The following DECR2 variants were observed in gnomAD, a reference collection of about 807,000 sequenced individuals.
The protein encoded by DECR2 is 2,4-dienoyl-CoA reductase 2.
DECR2 carries 34 observed loss-of-function variants against 29.2 expected under a neutral mutation model. That is an observed-to-expected ratio of 1.16 (90% CI 0.89 to 1.55). DECR2 has a LOEUF of 1.55. Among genes scored for constraint, DECR2 ranks in the 40% most tolerant of loss-of-function variants. DECR2 has a pLI of 0.00. For missense variants in DECR2, 485 were observed against 425.3 expected (o/e 1.14, Z -1.23); for synonymous variants, 224 against 182.7 (o/e 1.23, Z -1.82).
intron 8 of DECR2, 148 bp downstream of exon 8, chr16:411,726 TGCC>T: frequency 1.2e-6 from 1 of 866,876 alleles, no homozygotes; most frequent in Non-Finnish European, 1.7e-6. Flanking sequence ...ACATGGGTGC[TGCC>T]CAGTGGGGCT....
At chr16:409,257 C>T (rs748391469) in intron 4 of DECR2, among the ~76,000 whole-genome samples, 17 of 152,010 alleles carry the variant, frequency 1.1e-4, no homozygotes, top group African/African-American at 3.9e-4. Context: ...CTGCAAGCTC[C>T]GCCTCCCGGG....
At chr16:408,241 C>CT (rs2054765289) in intron 4 of DECR2, among the ~76,000 whole-genome samples, 1 of 149,874 alleles carries the variant, frequency 6.7e-6, no homozygotes, top group Admixed American at 6.6e-5. Flanking sequence ...CTCCGGGCCT[C>CT]TGTCTCCGGC....
At chr16:405,549 T>G in intron 2 of DECR2, 1 of 1,304,714 alleles carries the variant, frequency 7.7e-7, no homozygotes, top group Non-Finnish European at 1.0e-6. Context: ...GCAGCTCCAG[T>G]GGGACCTGCC....
In DECR2 at chr16:406,311, C is replaced by T. The variant is rs763521931; in HGVS notation, c.150-35C>T. 16 of 1,601,126 alleles carry T rather than the reference C, an allele frequency of 1.0e-5. 1 individual carries two copies. The South Asian group carries it at 1.8e-4, about 18-fold the overall frequency. On this transcript the variant is annotated intron_variant, in intron 2 of 8. Coordinates refer to ENST00000219481, the MANE Select transcript of DECR2 (RefSeq NM_020664.4). ...CAGATGCCCCGGGAGTGCCCCTCGC[C>T]CACACTGCCCTCACACCTGCTTCTG...
Position 410,831 on chromosome 16 carries a change from T to C in DECR2, c.556+47T>C. The C allele has an allele frequency of 6.7e-7, 1 of 1,482,178 alleles. No individual in the cohort carries two copies. Among genetic ancestry groups the C allele is most frequent in the South Asian group, 1.2e-5 (1 of 82,832 alleles). 91.8% of individuals were successfully genotyped at this position (1,482,178 alleles called of 1,614,324 possible). On this transcript the variant is annotated intron_variant, in intron 6 of 8. Transcript: ENST00000219481. This position sits in a 1 kb window ranked among gnomAD's most constrained non-coding sequence, Gnocchi z 4.1. Reference sequence around the variant, plus strand: ...CAGGTTTGCCCACGTGGGTCCCCAATGGGCCGTCTGCTTCCATCCCAGGAG... The same window carrying C: ...CAGGTTTGCCCACGTGGGTCCCCAACGGGCCGTCTGCTTCCATCCCAGGAG...
chr16:404,065 C>T (rs959438021), intron 1 of DECR2, among the ~76,000 whole-genome samples: 3 of 151,690 alleles, frequency 2.0e-5, no homozygotes, highest in Admixed American at 2.0e-4. Context: ...CCCAGCTACT[C>T]TGGAGGCTGA....
Position 410,921 on chromosome 16 carries a change from C to T in DECR2, c.557-51C>T. 1 of 1,549,310 alleles carries T rather than the reference C, an allele frequency of 6.5e-7. No individual in the cohort carries two copies. Among genetic ancestry groups the T allele is most frequent in the Non-Finnish European group, 8.7e-7 (1 of 1,145,442 alleles). ...AGCGAGACCTGGCCTTGGCCCTGCG[C>T]CCTCGCAGAGGGCAGAGCGGCCCTT... On this transcript the variant is annotated intron_variant, in intron 6 of 8. Transcript: ENST00000219481. This position sits in a 1 kb window ranked among gnomAD's most constrained non-coding sequence, Gnocchi z 4.1.
At chr16:402,736 C>G (rs532905264) in intron 1 of DECR2, among the ~76,000 whole-genome samples, 1 of 151,932 alleles carries the variant, frequency 6.6e-6, no homozygotes, top group African/African-American at 2.4e-5. Flanking sequence ...GTAATCCCAG[C>G]TCTTTGGGAG....
chr16:411,672 C>T, intron 8 of DECR2, 94 bp downstream of exon 8: 1 of 1,370,092 alleles, frequency 7.3e-7, no homozygotes, highest in African/African-American at 1.4e-5. Flanking sequence ...GGGCTGGCGT[C>T]TCCTTTGTCC....
At position 401,948 on chromosome 16, in the gene DECR2, C is replaced by T. The variant is rs749666907; in HGVS notation, c.-16C>T. Reference sequence around the variant, plus strand: ...CGCTCCCGCCCGTTGTCCCCGCAGTCCCCGACGGGAGCGCCATGGCCCAGC... The same window carrying T: ...CGCTCCCGCCCGTTGTCCCCGCAGTTCCCGACGGGAGCGCCATGGCCCAGC... On this transcript the variant is annotated 5_prime_UTR_variant, in exon 1 of 9. Coordinates refer to ENST00000219481, the MANE Select transcript of DECR2 (RefSeq NM_020664.4). 6.7e-7 allele frequency: 1 copy of T among 1,481,544 alleles called. No homozygotes were observed. Among genetic ancestry groups the T allele is most frequent in the Non-Finnish European group, 8.9e-7 (1 of 1,123,212 alleles). 91.8% of individuals were successfully genotyped at this position (1,481,544 alleles called of 1,614,324 possible).
At position 411,090 on chromosome 16, in the gene DECR2, G is replaced by T. The variant is rs1177217176; in HGVS notation, c.661+14G>T. 1 of 1,498,552 alleles carries T rather than the reference G, an allele frequency of 6.7e-7. No individual in the cohort carries two copies. Among genetic ancestry groups the T allele is most frequent in the Non-Finnish European group, 8.9e-7 (1 of 1,126,908 alleles). 92.8% of individuals were successfully genotyped at this position (1,498,552 alleles called of 1,614,324 possible). On this transcript the variant is annotated intron_variant, in intron 7 of 8. Transcript: ENST00000219481. The stretch of plus-strand genomic sequence containing the variant: ...TCCGGCGACTGGGTAAGGCTCTCAG[G>T]GAGCCCAGGCCTCCCACAGATCCTC...
At chr16:402,561 C>G (rs1024924175) in intron 1 of DECR2, among the ~76,000 whole-genome samples, 1 of 152,154 alleles carries the variant, frequency 6.6e-6, no homozygotes, top group African/African-American at 2.4e-5. Context: ...TTGGTGTTCA[C>G]AAGAGAAGGC....
chr16:405,653 TTGTC>T, intron 2 of DECR2: 1 of 1,261,670 alleles, frequency 7.9e-7, no homozygotes, highest in Non-Finnish European at 1.1e-6. Context: ...CAGATCCCGT[TTGTC>T]TGTGTCAGGT....
chr16:409,529 C>G (rs2054784850), intron 4 of DECR2: 1 of 152,124 alleles, frequency 6.6e-6, no homozygotes, highest in African/African-American at 2.4e-5. Flanking sequence ...ATATGGAATT[C>G]CATACTCCCA....
At position 410,184 on chromosome 16, in the gene DECR2, A is replaced by C; in HGVS notation, c.338-59A>C. On this transcript the variant is annotated intron_variant, in intron 4 of 8. Coordinates refer to ENST00000219481, the MANE Select transcript of DECR2 (RefSeq NM_020664.4). This position sits in a 1 kb window ranked among gnomAD's most constrained non-coding sequence, Gnocchi z 4.1. Reference sequence around the variant, plus strand: ...CCTCCGCTCTGCCCACCTGGCCACCACCCACTTGGCATCCCTCTCCCCAGG... The same window carrying C: ...CCTCCGCTCTGCCCACCTGGCCACCCCCCACTTGGCATCCCTCTCCCCAGG... 1 of 1,581,070 alleles carries C rather than the reference A, an allele frequency of 6.3e-7. No homozygotes were observed. Among genetic ancestry groups the C allele is most frequent in the African/African-American group, 1.4e-5 (1 of 73,978 alleles).
intron 2 of DECR2, among the ~76,000 whole-genome samples, 192 bp from the exon 3 acceptor site, chr16:406,154 A>AC (rs2054721174): frequency 6.6e-6 from 1 of 152,056 alleles, no homozygotes. Context: ...CATGCCAGAA[A>AC]CCCCGGGGTG....
intron 2 of DECR2, 44 bp downstream of exon 2, chr16:405,068 G>A: frequency 6.2e-7 from 1 of 1,610,700 alleles, no homozygotes; most frequent in Non-Finnish European, 8.5e-7. Flanking sequence ...GCTTCTCCCT[G>A]CCCGGGCCCT....
At chr16:405,982 C>A (rs777793224) in intron 2 of DECR2, among the ~76,000 whole-genome samples, 2 of 152,210 alleles carry the variant, frequency 1.3e-5, no homozygotes, top group Non-Finnish European at 2.9e-5. Context: ...GAGCACCCCG[C>A]TTCAGAACAG....
chr16:406,844 C>T (rs1597200576), intron 3 of DECR2: 1 of 666,166 alleles, frequency 1.5e-6, no homozygotes, highest in South Asian at 3.7e-5. Context: ...GTGTGAATCA[C>T]TGTGCCCGGC....
Sources: allele counts gnomAD v4.1 joint callset (sites outside exome capture counted in the v4.1 genomes callset), GRCh38; gene constraint gnomAD v4.1.1; non-coding constraint Gnocchi (gnomAD v3.1); transcripts MANE v1.5; gene names NCBI Gene and HGNC (gene_info 2026-07-23, HGNC 2026-07-21).